RAB38: variants seen among roughly 807,000 people sequenced by gnomAD.
RAB38 encodes RAB38, member RAS oncogene family, also known as ras-related protein Rab-38.
In RAB38, 15 loss-of-function variants were observed where a neutral mutation model predicts 18.4. The ratio of observed to expected loss-of-function variants is 0.82; its 90% confidence interval spans 0.55 to 1.26. The LOEUF (loss-of-function observed/expected upper bound fraction) is 1.26. Ranked by LOEUF, RAB38 falls within the 50% of genes most tolerant of loss-of-function variation. The probability of loss-of-function intolerance (pLI) is 0.00; values close to 1 mark genes in which losing one functional copy is unlikely to be tolerated. For missense variants in RAB38, 294 were observed against 267.4 expected (o/e 1.10, Z -0.69); for synonymous variants, 101 against 104.4 (o/e 0.97, Z 0.20).
At chr11:87,955,910 G>A in the RAB38 span, among the ~76,000 whole-genome samples, 2 of 148,364 alleles carry the variant, frequency 1.3e-5, no homozygotes, top group African/African-American at 5.1e-5. Context: ...CACACAAGTA[G>A]GACAGAATAG....
At chr11:88,109,004 G>A (rs945317572), downstream of RAB38, among the ~76,000 whole-genome samples, 1 of 152,144 alleles carries the variant, frequency 6.6e-6, no homozygotes, top group East Asian at 1.9e-4. Context: ...GCAGGGAGAT[G>A]CGCTGTTAGT....
the RAB38 span, among the ~76,000 whole-genome samples, chr11:88,075,968 C>T: frequency 3.4e-5 from 5 of 148,242 alleles, 1 homozygote; most frequent in Admixed American, 3.3e-4. Context: ...ATAAACCAAA[C>T]TCAAAAACAG....
At chr11:88,034,669 T>C in the RAB38 span, among the ~76,000 whole-genome samples, 1 of 152,264 alleles carries the variant, frequency 6.6e-6, no homozygotes, top group Non-Finnish European at 1.5e-5. Flanking sequence ...TCTCTATTCA[T>C]GCCTTCTGTT....
chr11:88,175,433 G>C lies in RAB38; in HGVS notation c.-49C>G. On this transcript the variant is annotated 5_prime_UTR_variant, in exon 1 of 3. Transcript: ENST00000243662. ...GTGCCTGACCAGGGAAGCGCAGCCTGGGCTCTGCGCACGAGAGAGACTTGG... is the reference window on the plus strand; with the variant it reads ...GTGCCTGACCAGGGAAGCGCAGCCTCGGCTCTGCGCACGAGAGAGACTTGG... The C allele has an allele frequency of 6.3e-7, 1 of 1,599,460 alleles. No homozygotes were observed. Among genetic ancestry groups the C allele is most frequent in the Admixed American group, 1.7e-5 (1 of 59,928 alleles).
chr11:87,921,777 T>G, the RAB38 span, among the ~76,000 whole-genome samples: 2 of 151,776 alleles, frequency 1.3e-5, no homozygotes, highest in African/African-American at 2.4e-5. Context: ...AGTAAAAATA[T>G]TGGTTGGTAG....
At chr11:87,942,096 T>A in the RAB38 span, among the ~76,000 whole-genome samples, 2 of 152,326 alleles carry the variant, frequency 1.3e-5, no homozygotes, top group Non-Finnish European at 2.9e-5. Flanking sequence ...TATTTCTCCT[T>A]ATAAATGATC....
At chr11:87,810,269 T>G in the RAB38 span, among the ~76,000 whole-genome samples, 2 of 152,200 alleles carry the variant, frequency 1.3e-5, no homozygotes, top group African/African-American at 4.8e-5. Flanking sequence ...ATTTTTCTTT[T>G]GAGATGGGGT....
chr11:88,014,750 A>T, the RAB38 span, among the ~76,000 whole-genome samples: 1 of 152,130 alleles, frequency 6.6e-6, no homozygotes, highest in Non-Finnish European at 1.5e-5. Context: ...TGGCTTAAGA[A>T]TGGGTGGGGA....
At chr11:87,976,255 T>C in the RAB38 span, among the ~76,000 whole-genome samples, 3 of 144,998 alleles carry the variant, frequency 2.1e-5, no homozygotes, top group Admixed American at 7.2e-5. Flanking sequence ...ATATATGTTA[T>C]ACATGTAAGA....
the RAB38 span, among the ~76,000 whole-genome samples, chr11:87,943,463 A>AAGAT: frequency 2.0e-5 from 3 of 152,068 alleles, no homozygotes. Context: ...TTATTCAACA[A>AAGAT]AGATACATAG....
chr11:87,808,539 C>T, the RAB38 span, among the ~76,000 whole-genome samples: 66 of 152,148 alleles, frequency 4.3e-4, no homozygotes, highest in African/African-American at 1.4e-3. Context: ...CAGGAGTGGA[C>T]GTGATGGTCA....
chr11:88,065,477 G>A, the RAB38 span, among the ~76,000 whole-genome samples: 2 of 152,138 alleles, frequency 1.3e-5, no homozygotes, highest in African/African-American at 4.8e-5. Flanking sequence ...AAAATTAGTT[G>A]ACCTAGGTTA....
chr11:88,146,649 G>A (rs1200209152), intron 2 of RAB38, among the ~76,000 whole-genome samples: 3 of 152,194 alleles, frequency 2.0e-5, no homozygotes, highest in Admixed American at 2.0e-4. Context: ...TTTTAAAGAA[G>A]TTTGACACTC....
At chr11:88,059,226 T>G in the RAB38 span, among the ~76,000 whole-genome samples, 1 of 152,220 alleles carries the variant, frequency 6.6e-6, no homozygotes, top group African/African-American at 2.4e-5. Flanking sequence ...CGGCAAGCAT[T>G]CAATAAAATG....
chr11:88,075,508 C>T, the RAB38 span, among the ~76,000 whole-genome samples: 142 of 152,196 alleles, frequency 9.3e-4, 1 homozygote, highest in African/African-American at 3.2e-3. Flanking sequence ...GGAAATACAA[C>T]GTACCAAGGT....
the RAB38 span, among the ~76,000 whole-genome samples, chr11:87,949,695 C>T: frequency 3.9e-5 from 6 of 152,194 alleles, no homozygotes; most frequent in East Asian, 1.9e-4. Context: ...TGTAGTTGGG[C>T]GGTTTTGAGT....
At chr11:87,974,741 T>C in the RAB38 span, among the ~76,000 whole-genome samples, 35 of 151,052 alleles carry the variant, frequency 2.3e-4, no homozygotes, top group African/African-American at 8.3e-4. Context: ...TGATACTTTA[T>C]ATACAGAGGG....
At chr11:87,905,413 A>T in the RAB38 span, among the ~76,000 whole-genome samples, 10 of 151,568 alleles carry the variant, frequency 6.6e-5, no homozygotes, top group East Asian at 1.8e-3. Context: ...TTGCGTGTCT[A>T]CTCATGTTTT....
the RAB38 span, among the ~76,000 whole-genome samples, chr11:87,945,174 A>G: frequency 6.6e-6 from 1 of 152,156 alleles, no homozygotes; most frequent in Non-Finnish European, 1.5e-5. Context: ...AGAATTAAGA[A>G]TGGTTTTTAA....
Sources: gnomAD v4.1 joint callset for allele counts (sites outside exome capture counted in the v4.1 genomes callset) on GRCh38, gnomAD v4.1.1 for gene constraint, MANE v1.5 for transcripts, NCBI Gene and HGNC (gene_info 2026-07-23, HGNC 2026-07-21) for gene names.